PPP2R1B: variants seen among roughly 807,000 people sequenced by gnomAD.
PPP2R1B encodes the protein protein phosphatase 2 scaffold subunit Abeta, also known as serine/threonine-protein phosphatase 2A 65 kDa regulatory subunit A beta isoform.
Under a neutral mutation model 72.7 loss-of-function variants are expected in PPP2R1B, and 58 were observed. The ratio of observed to expected loss-of-function variants is 0.80; its 90% CI spans 0.65 to 0.99. PPP2R1B has a LOEUF of 0.99. Among genes scored for constraint, PPP2R1B ranks in the 50% least tolerant of loss-of-function variants. The pLI, the probability that PPP2R1B is intolerant of heterozygous loss-of-function variation, is 0.00. For synonymous variants in PPP2R1B, 256 were observed against 264.6 expected (o/e 0.97, Z 0.32); for missense variants, 695 against 733.6 (o/e 0.95, Z 0.61).
chr11:111,719,234 A>G, the PPP2R1B span, among the ~76,000 whole-genome samples: 1 of 152,150 alleles, frequency 6.6e-6, no homozygotes, highest in Non-Finnish European at 1.5e-5. Flanking sequence ...TTCCCCAGGC[A>G]TATAGAACCA....
At chr11:111,720,140 G>A in the PPP2R1B span, 2 of 881,850 alleles carry the variant, frequency 2.3e-6, no homozygotes, top group Non-Finnish European at 3.5e-6. Context: ...GATTCAGCAG[G>A]TATAGCAGAC....
chr11:111,712,213 A>G, the PPP2R1B span: 1 of 1,614,176 alleles, frequency 6.2e-7, no homozygotes, highest in Non-Finnish European at 8.5e-7. Context: ...ATTTACAGGC[A>G]CAGACTGTGG....
At chr11:111,722,862 A>G, downstream of PPP2R1B, 3 of 1,036,258 alleles carry the variant, frequency 2.9e-6, no homozygotes, top group South Asian at 4.5e-5. This position sits in a 1 kb window ranked among gnomAD's most constrained non-coding sequence, Gnocchi z 4.4. Flanking sequence ...CTAGGAAAAT[A>G]GGTTTTCTGC....
the PPP2R1B span, among the ~76,000 whole-genome samples, chr11:111,695,278 A>T: frequency 1.3e-5 from 2 of 152,148 alleles, no homozygotes; most frequent in Non-Finnish European, 2.9e-5. Context: ...CTGTAGGAGG[A>T]TTTTTTAAAT....
rs1555048151 is a variant in PPP2R1B, at chr11:111,752,190, A to G, written c.1307T>C (p.Ile436Thr). ...DAKWRVRLAI[I>T]EYMPLLAGQL... is the part of the protein sequence containing the mutation. ...GCCTGCCAGCAGCGGCATATACTCA[A>G]TGATGGCCAGGCGGACCCTCCATTT... The change falls in exon 10 of 15, where the codon ATT (isoleucine) becomes ACT (threonine). Residue 436 changes from isoleucine (I) to threonine (T), a missense_variant. Coordinates refer to ENST00000527614, the MANE Select transcript of PPP2R1B (RefSeq NM_002716.5). The G allele has an allele frequency of 2.5e-6, 4 of 1,613,616 alleles. No homozygotes were observed. Among genetic ancestry groups the G allele is most frequent in the Non-Finnish European group, 2.5e-6 (3 of 1,179,748 alleles).
the PPP2R1B span, among the ~76,000 whole-genome samples, chr11:111,690,272 C>CT: frequency 0.032 from 4,175 of 130,394 alleles, 189 homozygotes; most frequent in African/African-American, 0.1. Context: ...GAAGGTCTTT[C>CT]TTTTTTTTTT....
the PPP2R1B span, chr11:111,719,688 C>T: frequency 3.1e-5 from 40 of 1,289,770 alleles, no homozygotes; most frequent in South Asian, 1.6e-4. Flanking sequence ...ATTTCTAGTT[C>T]GCCACAAGTC....
the PPP2R1B span, among the ~76,000 whole-genome samples, chr11:111,708,451 C>T: frequency 6.6e-6 from 1 of 152,070 alleles, no homozygotes; most frequent in African/African-American, 2.4e-5. Context: ...TGGGATTCCC[C>T]TCTTAGATTT....
At chr11:111,724,111 G>C, downstream of PPP2R1B, 3 of 1,611,012 alleles carry the variant, frequency 1.9e-6, no homozygotes, top group Non-Finnish European at 2.5e-6. Context: ...AACACAACGG[G>C]TATGTCCTGG....
chr11:111,710,774 C>T, the PPP2R1B span, among the ~76,000 whole-genome samples: 1 of 152,184 alleles, frequency 6.6e-6, no homozygotes, highest in Non-Finnish European at 1.5e-5. Flanking sequence ...TGATTAAGGT[C>T]ACACAATTTG....
the PPP2R1B span, chr11:111,721,727 G>C: frequency 5.3e-5 from 40 of 749,570 alleles, no homozygotes; most frequent in Non-Finnish European, 7.9e-5. Context: ...AGTCTCAGTG[G>C]AGTTGGTATT....
chr11:111,747,420 G>A (rs1944741670), intron 11 of PPP2R1B, among the ~76,000 whole-genome samples: 1 of 152,208 alleles, frequency 6.6e-6, no homozygotes, highest in African/African-American at 2.4e-5. Context: ...AGTACAAGCA[G>A]TAAGCCTTCC....
chr11:111,754,928 A>T, intron 7 of PPP2R1B, 52 bp downstream of exon 7: 1 of 1,480,094 alleles, frequency 6.8e-7, no homozygotes, highest in African/African-American at 1.4e-5. Flanking sequence ...ACTAACAAAA[A>T]AATGCACCAA....
At chr11:111,759,611 G>C (rs1945251146) in intron 5 of PPP2R1B, among the ~76,000 whole-genome samples, 193 bp downstream of exon 5, 1 of 152,174 alleles carries the variant, frequency 6.6e-6, no homozygotes, top group African/African-American at 2.4e-5. Context: ...TAATGTAAGA[G>C]AGAAATCATG....
chr11:111,760,195 G>A (rs1945274027), intron 4 of PPP2R1B, among the ~76,000 whole-genome samples: 2 of 152,220 alleles, frequency 1.3e-5, no homozygotes, highest in African/African-American at 4.8e-5. Context: ...AGGACTGCTT[G>A]AGGCCAGGAA....
At chr11:111,694,090 TTAAA>T in the PPP2R1B span, among the ~76,000 whole-genome samples, 1 of 152,208 alleles carries the variant, frequency 6.6e-6, no homozygotes, top group African/African-American at 2.4e-5. Context: ...TAACTGTTTG[TTAAA>T]TAAATTGTTA....
At position 111,764,812 on chromosome 11, in the gene PPP2R1B, C is replaced by G; in HGVS notation, c.299G>C (p.Cys100Ser). 6.2e-7 allele frequency: 1 copy of G among 1,614,004 alleles called. No individual in the cohort carries two copies. Among genetic ancestry groups the G allele is most frequent in the Non-Finnish European group, 8.5e-7 (1 of 1,179,984 alleles). Reference protein sequence around the residue: ...GLVGGPDFAHCLLPPLENLAT... With the variant: ...GLVGGPDFAHSLLPPLENLAT... Reference sequence around the variant, plus strand: ...CAGCTTATAAATACTCACCAGCAGACAGTGGGCAAAGTCAGGACCTCCCAC... The same window carrying G: ...CAGCTTATAAATACTCACCAGCAGAGAGTGGGCAAAGTCAGGACCTCCCAC... Residue 100 changes from cysteine (C) to serine (S), a missense_variant, in exon 3 of 15, where the codon TGT (cysteine) becomes TCT (serine). Physicochemically the swap from Cys to Ser is moderately radical, Grantham distance 112. Transcript: ENST00000527614.
chr11:111,703,348 A>G, the PPP2R1B span: 1 of 1,614,192 alleles, frequency 6.2e-7, no homozygotes, highest in Non-Finnish European at 8.5e-7. Flanking sequence ...AAAATGAGCC[A>G]TCCATCGGGG....
At chr11:111,693,149 TG>T in the PPP2R1B span, among the ~76,000 whole-genome samples, 1 of 152,030 alleles carries the variant, frequency 6.6e-6, no homozygotes, top group African/African-American at 2.4e-5. Context: ...CTGGCCAACA[TG>T]GTGAAACCCC....
Sources: allele counts gnomAD v4.1 joint callset (sites outside exome capture counted in the v4.1 genomes callset), GRCh38; gene constraint gnomAD v4.1.1; non-coding constraint Gnocchi (gnomAD v3.1); transcripts MANE v1.5; gene names NCBI Gene and HGNC (gene_info 2026-07-23, HGNC 2026-07-21).